GRM5: variants seen among roughly 807,000 people sequenced by gnomAD.
GRM5 encodes the protein metabotropic glutamate receptor 5.
A neutral mutation model predicts 83.1 loss-of-function variants in GRM5; 19 were observed. That is an observed-to-expected ratio of 0.23 (90% CI 0.16 to 0.34). GRM5 has a LOEUF of 0.34. GRM5 is among the 10% of genes least tolerant of loss of function. The probability of loss-of-function intolerance (pLI) is 1.00; values close to 1 mark genes in which losing one functional copy is unlikely to be tolerated. For synonymous variants in GRM5, 675 were observed against 633.6 expected (o/e 1.07, Z -0.98); for missense variants, 1,160 against 1,588.3 (o/e 0.73, Z 4.58).
intron 3 of GRM5, among the ~76,000 whole-genome samples, chr11:88,699,409 A>T (rs2135370331): frequency 1.3e-5 from 2 of 152,240 alleles, no homozygotes; most frequent in Non-Finnish European, 2.9e-5. Flanking sequence ...GTGCAGTAGA[A>T]GCTGTGAGGT....
chr11:88,545,022 C>T (rs1942357508), intron 8 of GRM5, among the ~76,000 whole-genome samples: 4 of 152,218 alleles, frequency 2.6e-5, no homozygotes, highest in Admixed American at 2.6e-4. Flanking sequence ...GAGATGGGAC[C>T]TGAAATTGCT....
chr11:88,542,145 A>C lies in GRM5; in HGVS notation c.2631-16741T>G, dbSNP rs1359762332. ...TGTAGTACCTTTATAGAAGGGTGAG[A>C]GCAGACTAATACACTATGAGATATG... On this transcript the variant is annotated intron_variant, in intron 8 of 9. Coordinates refer to ENST00000305447, the MANE Select transcript of GRM5 (RefSeq NM_001143831.3). 2.0e-5 allele frequency among the ~76,000 whole-genome samples: 3 copies of C among 152,308 alleles called. No individual in the cohort carries two copies. The East Asian group carries it at 5.8e-4, about 29-fold the overall frequency.
intron 8 of GRM5, among the ~76,000 whole-genome samples, chr11:88,557,321 G>T (rs1428445987): frequency 2.0e-5 from 3 of 152,268 alleles, no homozygotes; most frequent in East Asian, 1.9e-4. Flanking sequence ...CATAAAGGAT[G>T]AAGCAAGCCA....
intron 2 of GRM5, among the ~76,000 whole-genome samples, chr11:89,034,665 A>C (rs1409491191): frequency 1.3e-5 from 2 of 151,880 alleles, no homozygotes; most frequent in East Asian, 3.8e-4. Flanking sequence ...GTAGTATCAC[A>C]TGGACCTCAA....
At chr11:88,814,454 G>A (rs537939378) in intron 3 of GRM5, among the ~76,000 whole-genome samples, 1 of 152,280 alleles carries the variant, frequency 6.6e-6, no homozygotes, top group South Asian at 2.1e-4. Flanking sequence ...CAGTACTCAG[G>A]ATACACAGAA....
intron 2 of GRM5, among the ~76,000 whole-genome samples, chr11:88,894,392 CTGTACTGCTTGTGTTTGTCCG>C (rs2135588725): frequency 6.6e-6 from 1 of 152,092 alleles, no homozygotes; most frequent in South Asian, 2.1e-4. Flanking sequence ...ACCTCAGCTC[CTGTACTGCTTGTGTTTGTCCG>C]TGTCCTAAAT....
At chr11:88,718,587 A>T (rs1941452727) in intron 3 of GRM5, among the ~76,000 whole-genome samples, 1 of 151,940 alleles carries the variant, frequency 6.6e-6, no homozygotes, top group African/African-American at 2.4e-5. Context: ...AAAAGTTGAG[A>T]TATTATTATT....
rs574217684 is a variant in GRM5, at chr11:88,670,452, G to A, written c.912-17049C>T. Reference sequence around the variant, plus strand: ...ACACCACTAATTGAATAAAAATGTAGGCCACAAATTAGGAGAAGATCTTGT... The same window carrying A: ...ACACCACTAATTGAATAAAAATGTAAGCCACAAATTAGGAGAAGATCTTGT... On this transcript the variant is annotated intron_variant, in intron 3 of 9. Coordinates refer to ENST00000305447, the MANE Select transcript of GRM5 (RefSeq NM_001143831.3). Among the ~76,000 whole-genome samples, 14 of 151,734 alleles carry A rather than the reference G, an allele frequency of 9.2e-5. No individual in the cohort carries two copies. In the East Asian group the frequency reaches 2.7e-3, roughly 30 times the overall value.
intron 3 of GRM5, among the ~76,000 whole-genome samples, chr11:88,827,748 C>G (rs1943917530): frequency 6.6e-6 from 1 of 152,096 alleles, no homozygotes; most frequent in Non-Finnish European, 1.5e-5. Context: ...TATTTTGTAC[C>G]AGGTATTCTT....
intron 3 of GRM5, among the ~76,000 whole-genome samples, chr11:88,797,391 C>T (rs901129304): frequency 6.6e-6 from 1 of 152,142 alleles, no homozygotes; most frequent in Middle Eastern, 3.2e-3. Flanking sequence ...CCATCCGCCT[C>T]GGCCTCCCAA....
intron 2 of GRM5, among the ~76,000 whole-genome samples, chr11:88,996,697 G>A (rs549046813): frequency 6.6e-6 from 1 of 152,212 alleles, no homozygotes; most frequent in African/African-American, 2.4e-5. Flanking sequence ...TTCCATCCAA[G>A]AGAAGAATAC....
At chr11:88,705,445 T>C (rs1404701470) in intron 3 of GRM5, among the ~76,000 whole-genome samples, 1 of 152,086 alleles carries the variant, frequency 6.6e-6, no homozygotes, top group Admixed American at 6.6e-5. Flanking sequence ...AAACAGATGC[T>C]AGAAGTATCA....
intron 5 of GRM5, among the ~76,000 whole-genome samples, chr11:88,601,417 CT>C (rs1378761843): frequency 2.0e-5 from 3 of 151,822 alleles, no homozygotes; most frequent in African/African-American, 7.3e-5. Context: ...CATTCTCTTT[CT>C]CTCTCTTTTG....
intron 3 of GRM5, among the ~76,000 whole-genome samples, chr11:88,700,592 C>T (rs887845978): frequency 6.6e-6 from 1 of 152,124 alleles, no homozygotes; most frequent in Non-Finnish European, 1.5e-5. Context: ...AAAGTATTTT[C>T]CATGTGAAGA....
intron 3 of GRM5, among the ~76,000 whole-genome samples, chr11:88,725,057 TC>T (rs1446846531): frequency 6.6e-6 from 1 of 151,922 alleles, no homozygotes; most frequent in Non-Finnish European, 1.5e-5. Flanking sequence ...AACCATTCAC[TC>T]CCCTGGAAAG....
chr11:88,538,408 G>A (rs555060133), intron 8 of GRM5, among the ~76,000 whole-genome samples: 3 of 152,264 alleles, frequency 2.0e-5, no homozygotes, highest in South Asian at 4.1e-4. Context: ...TGCTTTACAA[G>A]CTTTATACAA....
In GRM5 at chr11:88,899,688, GA is replaced by G. The variant is rs1249296782; in HGVS notation, c.662-49534del. On this transcript the variant is annotated intron_variant, in intron 2 of 9. Transcript: ENST00000305447. Reference sequence around the variant, plus strand: ...GCCTGAAATAATCTTGTATTATCCTGAAAAAAAAATCTGAAGTGGGAATAAG... The same window carrying G: ...GCCTGAAATAATCTTGTATTATCCTGAAAAAAAATCTGAAGTGGGAATAAG... 4.7e-5 allele frequency among the ~76,000 whole-genome samples: 7 copies of G among 150,530 alleles called. No individual in the cohort carries two copies. The South Asian group carries it at 6.3e-4, about 14-fold the overall frequency.
At chr11:88,688,369 A>G (rs2135355969) in intron 3 of GRM5, among the ~76,000 whole-genome samples, 1 of 152,338 alleles carries the variant, frequency 6.6e-6, no homozygotes, top group South Asian at 2.1e-4. Flanking sequence ...GGATATTTAC[A>G]ACTATAATAA....
intron 3 of GRM5, among the ~76,000 whole-genome samples, chr11:88,735,061 A>G (rs1031245468): frequency 6.7e-6 from 1 of 149,396 alleles, no homozygotes; most frequent in Non-Finnish European, 1.5e-5. Flanking sequence ...AAATAAACCT[A>G]TCTTAAGATC....
Sources: gnomAD v4.1 joint callset for allele counts (sites outside exome capture counted in the v4.1 genomes callset) on GRCh38, gnomAD v4.1.1 for gene constraint, MANE v1.5 for transcripts, NCBI Gene and HGNC (gene_info 2026-07-23, HGNC 2026-07-21) for gene names.